SLC35F4: variants seen among roughly 807,000 people sequenced by gnomAD.
The protein encoded by SLC35F4 is chromosome 14 open reading frame 36.
In SLC35F4, 24 loss-of-function variants were observed where a neutral mutation model predicts 44.2. The ratio of observed to expected loss-of-function variants is 0.54; its 90% CI spans 0.39 to 0.76. SLC35F4 has a LOEUF of 0.76. Among genes scored for constraint, SLC35F4 ranks in the 30% least tolerant of loss-of-function variants. The probability of loss-of-function intolerance (pLI) is 0.00; values close to 1 mark genes in which losing one functional copy is unlikely to be tolerated. For synonymous variants in SLC35F4, 238 were observed against 223.6 expected, an observed-to-expected ratio of 1.06 and a Z score of -0.57; for missense variants, 562 against 586.1, an observed-to-expected ratio of 0.96 and a Z score of 0.42.
At chr14:57,881,244 C>G (rs906207500) in intron 1 of SLC35F4, among the ~76,000 whole-genome samples, 2 of 152,138 alleles carry the variant, frequency 1.3e-5, no homozygotes, top group Non-Finnish European at 2.9e-5. Flanking sequence ...ACTTAAGGTG[C>G]CTTTTGCACA....
intron 1 of SLC35F4, among the ~76,000 whole-genome samples, chr14:57,919,533 G>A (rs1161856745): frequency 2.0e-5 from 3 of 152,002 alleles, no homozygotes; most frequent in Non-Finnish European, 4.4e-5. Flanking sequence ...GGGAAAGCGG[G>A]GAAGAAAAAG....
rs760229430 is a variant in SLC35F4 at position 57,819,808 on chromosome 14, G to A, written c.103+45915C>T. Reference sequence around the variant, plus strand: ...AGCCTGGGCAACAGAGCAAGACCCCGTCTCAAAAAAAAAAAAAAAAGATAG... The same window carrying A: ...AGCCTGGGCAACAGAGCAAGACCCCATCTCAAAAAAAAAAAAAAAAGATAG... On this transcript the variant is annotated intron_variant, in intron 1 of 7. Coordinates refer to ENST00000556826, the MANE Select transcript of SLC35F4 (RefSeq NM_001306087.2). Among the ~76,000 whole-genome samples, 220 of 133,230 alleles carry A rather than the reference G, an allele frequency of 1.7e-3. 1 individual carries two copies. Among genetic ancestry groups the A allele is most frequent in the Middle Eastern group, 3.7e-3 (1 of 270 alleles). The allele number at this position is 133,230 out of a possible 152,430, so 87.4% of individuals were successfully genotyped here.
intron 1 of SLC35F4, among the ~76,000 whole-genome samples, chr14:57,896,380 C>T (rs1056983463): frequency 2.0e-5 from 3 of 152,152 alleles, no homozygotes; most frequent in African/African-American, 7.2e-5. Flanking sequence ...CATTTATACT[C>T]ATTTCAAGAA....
At chr14:57,676,632 A>G (rs1312909494) in intron 1 of SLC35F4, among the ~76,000 whole-genome samples, 1 of 152,152 alleles carries the variant, frequency 6.6e-6, no homozygotes, top group Non-Finnish European at 1.5e-5. Context: ...TCAAAAGAAG[A>G]TATAAAAACA....
intron 1 of SLC35F4, among the ~76,000 whole-genome samples, chr14:57,711,762 A>T (rs927042628): frequency 2.6e-5 from 4 of 152,226 alleles, no homozygotes; most frequent in Non-Finnish European, 5.9e-5. Flanking sequence ...GACTTATCAA[A>T]CCGAAGCGCA....
intron 1 of SLC35F4, among the ~76,000 whole-genome samples, chr14:57,633,497 A>T (rs1162436999): frequency 6.6e-6 from 1 of 152,160 alleles, no homozygotes; most frequent in African/African-American, 2.4e-5. Context: ...AAAGAATACT[A>T]ACTTTTAAAA....
chr14:57,579,843 G>T (rs1376244339), intron 4 of SLC35F4, among the ~76,000 whole-genome samples: 6 of 152,254 alleles, frequency 3.9e-5, no homozygotes, highest in South Asian at 4.1e-4. Context: ...CTCTGTTGTT[G>T]TTATCTTAAA....
intron 1 of SLC35F4, among the ~76,000 whole-genome samples, chr14:57,967,495 C>G (rs1282747475): frequency 6.6e-6 from 1 of 152,198 alleles, no homozygotes; most frequent in Non-Finnish European, 1.5e-5. Context: ...TCTTCTACAA[C>G]TTAACTTTTT....
chr14:57,597,657 G>C (rs543413835), intron 1 of SLC35F4, among the ~76,000 whole-genome samples: 1 of 152,276 alleles, frequency 6.6e-6, no homozygotes, highest in Non-Finnish European at 1.5e-5. Context: ...CACATCAAAG[G>C]TGTCTTTGAA....
chr14:57,916,065 T>C (rs2141054602), intron 1 of SLC35F4, among the ~76,000 whole-genome samples: 1 of 152,260 alleles, frequency 6.6e-6, no homozygotes, highest in South Asian at 2.1e-4. Flanking sequence ...AGAAAAGAAA[T>C]TTATTTCTCA....
chr14:57,943,754 C>T (rs770065112), intron 1 of SLC35F4, among the ~76,000 whole-genome samples: 3 of 152,194 alleles, frequency 2.0e-5, no homozygotes, highest in Non-Finnish European at 4.4e-5. Flanking sequence ...AGTGCTGGTT[C>T]TAATTCTAAA....
At chr14:57,960,402 G>A (rs1453664527) in intron 1 of SLC35F4, among the ~76,000 whole-genome samples, 1 of 152,182 alleles carries the variant, frequency 6.6e-6, no homozygotes, top group African/African-American at 2.4e-5. Flanking sequence ...CCCCCTTCCA[G>A]GGGACCCACC....
At chr14:57,671,882 A>T (rs2074534672) in intron 1 of SLC35F4, among the ~76,000 whole-genome samples, 1 of 152,062 alleles carries the variant, frequency 6.6e-6, no homozygotes, top group South Asian at 2.1e-4. Context: ...CCATGAAATC[A>T]GGCTAAGTGT....
chr14:57,964,524 C>T (rs1439535625), intron 1 of SLC35F4, among the ~76,000 whole-genome samples: 4 of 152,162 alleles, frequency 2.6e-5, no homozygotes, highest in South Asian at 4.1e-4. Context: ...AACAAGTCAA[C>T]GGACATTTAT....
At chr14:57,595,574 G>C (rs965247935) in intron 1 of SLC35F4, among the ~76,000 whole-genome samples, 9 of 152,108 alleles carry the variant, frequency 5.9e-5, no homozygotes, top group African/African-American at 2.2e-4. Context: ...AAGATAATTT[G>C]TCTCTTTTCC....
At chr14:57,768,428 G>C (rs576827239) in intron 1 of SLC35F4, among the ~76,000 whole-genome samples, 124 of 152,278 alleles carry the variant, frequency 8.1e-4, no homozygotes, top group African/African-American at 2.9e-3. Context: ...TTCTCCAAAA[G>C]TGTCCTGTGA....
At chr14:57,828,843 G>T (rs1884061560) in intron 1 of SLC35F4, among the ~76,000 whole-genome samples, 1 of 152,072 alleles carries the variant, frequency 6.6e-6, no homozygotes, top group Admixed American at 6.6e-5. Flanking sequence ...GCTCCACAAG[G>T]GTATTTTGAA....
intron 1 of SLC35F4, among the ~76,000 whole-genome samples, chr14:57,617,316 G>A (rs1368573947): frequency 6.6e-6 from 1 of 151,588 alleles, no homozygotes; most frequent in Non-Finnish European, 1.5e-5. Context: ...ATTTTTAGTG[G>A]AGACGGGGTT....
intron 1 of SLC35F4, among the ~76,000 whole-genome samples, chr14:57,727,547 A>C (rs1457347369): frequency 6.7e-6 from 1 of 150,130 alleles, no homozygotes; most frequent in Non-Finnish European, 1.5e-5. Context: ...CTTTCCTCCT[A>C]GTACTGCTTT....
Sources: gnomAD v4.1 joint callset for allele counts (sites outside exome capture counted in the v4.1 genomes callset) on GRCh38, gnomAD v4.1.1 for gene constraint, MANE v1.5 for transcripts, NCBI Gene and HGNC (gene_info 2026-07-23, HGNC 2026-07-21) for gene names.